Variants in CALN1 observed in about 807,000 individuals in gnomAD.
The protein encoded by CALN1 is calcium-binding protein 8.
A neutral mutation model predicts 30.6 loss-of-function variants in CALN1; 17 were observed. That is an observed-to-expected ratio of 0.56 (90% CI 0.38 to 0.83). The LOEUF is 0.83. CALN1 is among the 40% of genes least tolerant of loss of function. The pLI, the probability that CALN1 is intolerant of heterozygous loss-of-function variation, is 0.00. For synonymous variants in CALN1, 156 were observed against 131.4 expected (o/e 1.19, Z -1.28); for missense variants, 291 against 354.9 (o/e 0.82, Z 1.45).
intron 6 of CALN1, among the ~76,000 whole-genome samples, chr7:71,792,671 C>T (rs941272167): frequency 4.6e-5 from 7 of 152,018 alleles, no homozygotes; most frequent in East Asian, 1.9e-4. Flanking sequence ...GAAAATAAGA[C>T]GAGAATGTGG....
At chr7:72,168,931 G>A (rs1788736469) in intron 3 of CALN1, among the ~76,000 whole-genome samples, 2 of 150,520 alleles carry the variant, frequency 1.3e-5, no homozygotes, top group South Asian at 4.2e-4. Context: ...TCAGCCTCCC[G>A]AGTAGCTGGG....
intron 1 of CALN1, among the ~76,000 whole-genome samples, chr7:72,442,875 G>GGTTGC (rs1490244505): frequency 1.3e-5 from 2 of 152,062 alleles, no homozygotes; most frequent in Non-Finnish European, 2.9e-5. Context: ...ACTTATTTAG[G>GGTTGC]ATTGCACTTT....
At chr7:72,404,535 A>G (rs2129562226) in intron 1 of CALN1, among the ~76,000 whole-genome samples, 1 of 152,340 alleles carries the variant, frequency 6.6e-6, no homozygotes. Context: ...CCCATCTGAG[A>G]GAGTTGTACC....
intron 2 of CALN1, among the ~76,000 whole-genome samples, chr7:72,356,258 G>C (rs1047338932): frequency 6.6e-6 from 1 of 152,100 alleles, no homozygotes; most frequent in African/African-American, 2.4e-5. Flanking sequence ...AGGAGCACTG[G>C]AAATACCAAA....
At chr7:71,841,550 C>G (rs924216313) in intron 5 of CALN1, among the ~76,000 whole-genome samples, 1 of 152,190 alleles carries the variant, frequency 6.6e-6, no homozygotes, top group African/African-American at 2.4e-5. Context: ...GACACTCACA[C>G]TTGTATGTTC....
intron 2 of CALN1, among the ~76,000 whole-genome samples, chr7:72,339,254 T>TA (rs1189318846): frequency 6.6e-6 from 1 of 152,188 alleles, no homozygotes; most frequent in East Asian, 1.9e-4. Context: ...TCTTAACTAT[T>TA]ATAAACAGTG....
At chr7:72,384,518 C>A (rs2129561037) in intron 2 of CALN1, among the ~76,000 whole-genome samples, 1 of 152,104 alleles carries the variant, frequency 6.6e-6, no homozygotes. Context: ...CCTGTAATCC[C>A]AGCTACTCAA....
At chr7:72,170,339 T>G (rs1213455300) in intron 3 of CALN1, among the ~76,000 whole-genome samples, 1 of 152,170 alleles carries the variant, frequency 6.6e-6, no homozygotes, top group Non-Finnish European at 1.5e-5. Flanking sequence ...TTTATGGCCT[T>G]AATAACTCTG....
intron 5 of CALN1, among the ~76,000 whole-genome samples, chr7:71,899,798 C>T (rs1206108305): frequency 6.6e-6 from 1 of 152,068 alleles, no homozygotes; most frequent in Non-Finnish European, 1.5e-5. Context: ...GGATGCATGG[C>T]ATAGAATATG....
Position 72,409,246 on chromosome 7 carries a change from G to C in CALN1, c.-74+2812C>G, listed in dbSNP as rs541037104. On this transcript the variant is annotated intron_variant, in intron 1 of 6. Coordinates refer to ENST00000395275, the MANE Select transcript of CALN1 (RefSeq NM_031468.4). Reference sequence around the variant, plus strand: ...CCTGACCTCATGATCTACCCGCCTCGGCCTCCCAAAATGCTGGGATTACAG... The same window carrying C: ...CCTGACCTCATGATCTACCCGCCTCCGCCTCCCAAAATGCTGGGATTACAG... Among the ~76,000 whole-genome samples the C allele has an allele frequency of 3.3e-5, 5 of 150,802 alleles. No individual in the cohort carries two copies. The South Asian group carries it at 1.1e-3, about 32-fold the overall frequency.
chr7:72,254,561 T>C (rs1795786007), intron 3 of CALN1, among the ~76,000 whole-genome samples: 1 of 152,064 alleles, frequency 6.6e-6, no homozygotes, highest in Admixed American at 6.5e-5. Context: ...GGCAATGCTT[T>C]AGGGCAAAAA....
intron 3 of CALN1, among the ~76,000 whole-genome samples, chr7:72,264,564 G>A (rs953750005): frequency 1.3e-5 from 2 of 151,290 alleles, no homozygotes; most frequent in African/African-American, 2.4e-5. Context: ...TGCGATCATA[G>A]CTCATTGCAT....
intron 3 of CALN1, among the ~76,000 whole-genome samples, chr7:72,267,652 T>C (rs955488900): frequency 6.6e-6 from 1 of 152,236 alleles, no homozygotes; most frequent in Admixed American, 6.5e-5. Context: ...ATGCTGGTTA[T>C]GTAACCTTGG....
chr7:71,882,422 C>G (rs753299531), intron 5 of CALN1, among the ~76,000 whole-genome samples: 68 of 152,170 alleles, frequency 4.5e-4, no homozygotes, highest in Non-Finnish European at 4.1e-4. Context: ...TGTAAGACAG[C>G]ATAGTCTCAG....
At chr7:71,928,056 C>A (rs942820797) in intron 5 of CALN1, among the ~76,000 whole-genome samples, 1 of 152,202 alleles carries the variant, frequency 6.6e-6, no homozygotes, top group Admixed American at 6.5e-5. Context: ...AGAGGACTGA[C>A]CTTGGTGAGA....
intron 2 of CALN1, among the ~76,000 whole-genome samples, chr7:72,401,471 A>G (rs1165407823): frequency 1.3e-5 from 2 of 152,124 alleles, no homozygotes; most frequent in Non-Finnish European, 2.9e-5. Flanking sequence ...AAACAGAAAC[A>G]TGTTCAGTGC....
intron 2 of CALN1, among the ~76,000 whole-genome samples, chr7:72,393,725 G>A (rs1805734467): frequency 6.7e-6 from 1 of 148,306 alleles, no homozygotes; most frequent in Non-Finnish European, 1.5e-5. Flanking sequence ...CGGCCATTTA[G>A]CTTATTGACC....
chr7:72,266,946 G>T (rs983010697), intron 3 of CALN1, among the ~76,000 whole-genome samples: 1 of 152,158 alleles, frequency 6.6e-6, no homozygotes, highest in Non-Finnish European at 1.5e-5. Flanking sequence ...GATAAAAGAC[G>T]TATGTTGTAA....
intron 4 of CALN1, among the ~76,000 whole-genome samples, chr7:72,039,601 G>A (rs1464619574): frequency 1.3e-5 from 2 of 152,206 alleles, no homozygotes; most frequent in African/African-American, 4.8e-5. Flanking sequence ...GTGGGGAAGA[G>A]GAATAGATCA....
Sources: allele counts gnomAD v4.1 joint callset (sites outside exome capture counted in the v4.1 genomes callset), GRCh38; gene constraint gnomAD v4.1.1; transcripts MANE v1.5; gene names NCBI Gene and HGNC (gene_info 2026-07-23, HGNC 2026-07-21).